RAB31: variants seen among roughly 807,000 people sequenced by gnomAD.
RAB31 encodes RAB31, member RAS oncogene family.
Under a neutral mutation model 25.6 loss-of-function variants are expected in RAB31, and 21 were observed. That is an observed-to-expected ratio of 0.82 (90% CI 0.58 to 1.18). The LOEUF is 1.18. Among genes scored for constraint, RAB31 ranks in the 50% most tolerant of loss-of-function variants. The pLI is 0.00. For synonymous variants in RAB31, 87 were observed against 84.0 expected, an observed-to-expected ratio of 1.04 and a Z score of -0.20; for missense variants, 196 against 250.1, an observed-to-expected ratio of 0.78 and a Z score of 1.46.
chr18:9,775,417 A>C, intron 2 of RAB31, 60 bp downstream of exon 2: 2 of 1,603,676 alleles, frequency 1.2e-6, no homozygotes, highest in African/African-American at 1.3e-5. Context: ...CAGAATGACC[A>C]CTCTGTCTGT....
intron 3 of RAB31, among the ~76,000 whole-genome samples, chr18:9,807,065 G>A (rs1419945599): frequency 2.6e-5 from 4 of 152,208 alleles, no homozygotes; most frequent in African/African-American, 9.6e-5. Context: ...AAGGCAAGAC[G>A]AACTTTGCTC....
chr18:9,719,269 CAAAAAAAAAAAAAAAAAAAAAA>C (rs56291796), intron 1 of RAB31, among the ~76,000 whole-genome samples: 1 of 21,456 alleles, frequency 4.7e-5, no homozygotes, highest in African/African-American at 3.4e-4. Context: ...GACTCTGTCT[CAAAAAAAAAAAAAAAAAAAAAA>C]AAAAAAAATA....
chr18:9,719,918 C>T (rs551107016), intron 1 of RAB31, among the ~76,000 whole-genome samples: 55 of 152,222 alleles, frequency 3.6e-4, no homozygotes, highest in African/African-American at 1.3e-3. Context: ...CTCAGCAAGC[C>T]GCGGGGCACA....
chr18:9,840,352 GCATATAGTAAACCCTATA>G (rs961719684), intron 5 of RAB31, among the ~76,000 whole-genome samples: 3 of 152,116 alleles, frequency 2.0e-5, no homozygotes, highest in Admixed American at 6.5e-5. Flanking sequence ...ACAATGCCCA[GCATATAGTAAACCCTATA>G]CACTTGTTGA....
At chr18:9,814,770 A>G (rs756435567) in intron 4 of RAB31, 7 of 180,906 alleles carry the variant, frequency 3.9e-5, no homozygotes, top group African/African-American at 7.2e-5. Context: ...CTCTAAATAT[A>G]TATGTTTCTT....
chr18:9,803,245 T>C lies in RAB31; in HGVS notation c.202-10775T>C, dbSNP rs536072234. ...TTTTCTTCTCTTTTTCCTTTCTTTT[T>C]TTTTTTTTTAGGCAGGGTCTTGCTG... is the stretch of plus-strand genomic sequence containing the variant. On this transcript the variant is annotated intron_variant, in intron 3 of 6. Transcript: ENST00000578921. 8.6e-5 allele frequency among the ~76,000 whole-genome samples: 13 copies of C among 151,674 alleles called. No individual in the cohort carries two copies. In the East Asian group the frequency reaches 1.4e-3, roughly 16 times the overall value.
chr18:9,748,019 G>C (rs1314353394), intron 1 of RAB31, among the ~76,000 whole-genome samples: 1 of 152,154 alleles, frequency 6.6e-6, no homozygotes, highest in Non-Finnish European at 1.5e-5. Context: ...CACAGTCCCA[G>C]GAACTCCCAG....
intron 1 of RAB31, among the ~76,000 whole-genome samples, chr18:9,762,926 G>C (rs1401539635): frequency 1.3e-5 from 2 of 152,098 alleles, no homozygotes; most frequent in Non-Finnish European, 2.9e-5. Context: ...CACCAGCAGG[G>C]TAGGGGAGCT....
At chr18:9,832,504 A>G (rs2068683879) in intron 5 of RAB31, among the ~76,000 whole-genome samples, 1 of 152,204 alleles carries the variant, frequency 6.6e-6, no homozygotes, top group African/African-American at 2.4e-5. Context: ...CCAAGAAATT[A>G]CGAGACGGAA....
intron 3 of RAB31, among the ~76,000 whole-genome samples, chr18:9,802,163 T>C (rs901096433): frequency 2.6e-5 from 4 of 152,238 alleles, no homozygotes; most frequent in African/African-American, 9.6e-5. Flanking sequence ...TCTGTGTATG[T>C]TGCATTTCCA....
intron 1 of RAB31, among the ~76,000 whole-genome samples, chr18:9,748,348 T>G (rs1451337715): frequency 6.6e-6 from 1 of 151,362 alleles, no homozygotes; most frequent in Non-Finnish European, 1.5e-5. Flanking sequence ...TACCCCCAAA[T>G]AATAATAATT....
intron 5 of RAB31, among the ~76,000 whole-genome samples, chr18:9,835,703 G>T (rs112303697): frequency 6.6e-5 from 10 of 152,208 alleles, no homozygotes; most frequent in Non-Finnish European, 1.0e-4. Context: ...GATATTTGCT[G>T]TGAAGGGAGT....
At chr18:9,739,917 C>G (rs1290722138) in intron 1 of RAB31, among the ~76,000 whole-genome samples, 1 of 152,238 alleles carries the variant, frequency 6.6e-6, no homozygotes, top group South Asian at 2.1e-4. Flanking sequence ...ATCACAGAGC[C>G]CCAGCAGTTT....
At chr18:9,840,469 G>A (rs1324839400) in intron 5 of RAB31, among the ~76,000 whole-genome samples, 3 of 152,162 alleles carry the variant, frequency 2.0e-5, no homozygotes, top group Non-Finnish European at 4.4e-5. Flanking sequence ...TGCATCATGG[G>A]TCTGTGCAGT....
chr18:9,737,567 C>T (rs1019660277), intron 1 of RAB31, among the ~76,000 whole-genome samples: 8 of 152,126 alleles, frequency 5.3e-5, no homozygotes, highest in African/African-American at 1.2e-4. Flanking sequence ...GCTACACTAA[C>T]GAGCAGATGA....
intron 1 of RAB31, among the ~76,000 whole-genome samples, chr18:9,772,829 TC>T (rs1353395150): frequency 6.6e-6 from 1 of 152,042 alleles, no homozygotes; most frequent in Non-Finnish European, 1.5e-5. Context: ...GTGTCCAGTT[TC>T]TTGGGGGCTA....
At chr18:9,754,525 C>G (rs558148759) in intron 1 of RAB31, among the ~76,000 whole-genome samples, 1 of 152,290 alleles carries the variant, frequency 6.6e-6, no homozygotes, top group African/African-American at 2.4e-5. Flanking sequence ...AGTGATCCAC[C>G]TGCCTAGGCC....
chr18:9,853,880 AAAG>A (rs150793839), intron 6 of RAB31, among the ~76,000 whole-genome samples: 16,106 of 151,916 alleles, frequency 0.11, 944 homozygotes, highest in South Asian at 0.16. Flanking sequence ...TCAATTAAAA[AAAG>A]AAAGAGAAAG....
At chr18:9,852,568 G>C (rs1371202123) in intron 6 of RAB31, among the ~76,000 whole-genome samples, 1 of 149,846 alleles carries the variant, frequency 6.7e-6, no homozygotes, top group Non-Finnish European at 1.5e-5. Context: ...CAGAGTTTAA[G>C]ACAATATGGA....
Sources: gnomAD v4.1 joint callset for allele counts (sites outside exome capture counted in the v4.1 genomes callset) on GRCh38, gnomAD v4.1.1 for gene constraint, MANE v1.5 for transcripts, NCBI Gene and HGNC (gene_info 2026-07-23, HGNC 2026-07-21) for gene names.